Variants in ASPM observed in about 807,000 individuals in gnomAD.
The protein encoded by ASPM is abnormal spindle-like microcephaly-associated protein.
ASPM carries 256 observed loss-of-function variants against 366.4 expected under a neutral mutation model. That is an observed-to-expected ratio of 0.70 (90% CI 0.63 to 0.77). The LOEUF is 0.77. Among genes scored for constraint, ASPM ranks in the 30% least tolerant of loss-of-function variants. The pLI, the probability that ASPM is intolerant of heterozygous loss-of-function variation, is 0.00. For synonymous variants in ASPM, 1,414 were observed against 1,342.9 expected (o/e 1.05, Z -1.16); for missense variants, 4,146 against 4,090.4 (o/e 1.01, Z -0.37).
In ASPM at chr1:197,122,023, T is replaced by C. The variant is rs751531314; in HGVS notation, c.3762A>G (p.Ser1254=). Residue 1254 remains serine (S), a synonymous_variant, in exon 16 of 28, where the codon TCA becomes TCG. Transcript: ENST00000367409. ...PDEKVVITYL[S]FLCARLLDLR... ...GATCCAAAAGCCTTGCACAAAGAAA[T>C]GACAAATAGGTAATAACCACCTAAA... 6.2e-7 allele frequency: 1 copy of C among 1,612,412 alleles called. No homozygotes were observed. Among genetic ancestry groups the C allele is most frequent in the Non-Finnish European group, 8.5e-7 (1 of 1,178,898 alleles).
At chr1:197,128,420 C>CA in intron 10 of ASPM, 70 bp downstream of exon 10, 2 of 1,434,570 alleles carry the variant, frequency 1.4e-6, no homozygotes, top group Non-Finnish European at 1.9e-6. Flanking sequence ...TGAATAATTA[C>CA]AAAAAAAGTG....
Position 197,101,043 on chromosome 1 carries a change from TAAA to T in ASPM, c.8205_8207del (p.Phe2735del), listed in dbSNP as rs1346233085. The T allele has an allele frequency of 1.2e-6, 2 of 1,611,692 alleles. No homozygotes were observed. The highest frequency in any genetic ancestry group is 1.7e-6 in the Non-Finnish European group (2 of 1,178,870). On this transcript the variant is annotated inframe_deletion, in exon 18 of 28. Coordinates refer to ENST00000367409, the MANE Select transcript of ASPM (RefSeq NM_018136.5). ...TAGTTCGTACAGATTTCTGAACTGC[TAAA>T]AAGTTTTTTCTTTCTGTTTTTACTC...
Position 197,135,011 on chromosome 1 carries a change from T to C in ASPM, c.2173+85A>G, listed in dbSNP as rs1411991209. ...ATTATGCCATTAATTATAATAACTA[T>C]GTATAATTAAAGAATGACAAACGAT... is the stretch of plus-strand genomic sequence containing the variant. On this transcript the variant is annotated intron_variant, in intron 5 of 27. Transcript: ENST00000367409. The C allele has an allele frequency of 5.2e-6, 5 of 970,388 alleles. No individual in the cohort carries two copies. The East Asian group carries it at 1.2e-4, about 23-fold the overall frequency. 60.1% of individuals were successfully genotyped at this position (970,388 alleles called of 1,614,324 possible).
In ASPM at chr1:197,100,626, G is replaced by C. The variant is rs777899411; in HGVS notation, c.8625C>G (p.Thr2875=). The change falls in exon 18 of 28, where the codon ACC becomes ACG. Residue 2875 remains threonine (T), a synonymous_variant. Coordinates refer to ENST00000367409, the MANE Select transcript of ASPM (RefSeq NM_018136.5). ...TTCTATATAGTAAAAACTGTTTTCT[G>C]GTTTGCCACGTCCTAAAATAATGCT... ...TLQHYFRTWQ[T]RKQFLLYRKA... The C allele has an allele frequency of 6.2e-7, 1 of 1,611,956 alleles. No homozygotes were observed. Among genetic ancestry groups the C allele is most frequent in the Admixed American group, 1.7e-5 (1 of 59,702 alleles).
In ASPM at chr1:197,101,911, G is replaced by A; in HGVS notation, c.7340C>T (p.Ala2447Val). Residue 2447 changes from alanine (A) to valine (V), a missense_variant, in exon 18 of 28, where the codon GCC becomes GTC. By Grantham distance (64) the Ala-to-Val change is moderately conservative. Coordinates refer to ENST00000367409, the MANE Select transcript of ASPM (RefSeq NM_018136.5). ...VQRKYRATIC[A>V]KHKLYQFLHL... ...CAAGAATTGGTACAATTTATGTTTG[G>A]CACAAATGGTGGCTCGATATTTCCT... The A allele has an allele frequency of 6.2e-7, 1 of 1,612,752 alleles. No individual in the cohort carries two copies. Among genetic ancestry groups the A allele is most frequent in the Non-Finnish European group, 8.5e-7 (1 of 1,179,262 alleles).
At chr1:197,141,998 G>A (rs1479353222) in intron 3 of ASPM, among the ~76,000 whole-genome samples, 4 of 152,058 alleles carry the variant, frequency 2.6e-5, no homozygotes, top group Admixed American at 2.6e-4. Context: ...TGTGAGTGTC[G>A]ACCTTTCAGT....
chr1:197,102,248 G>A lies in ASPM; in HGVS notation c.7003C>T (p.His2335Tyr). ...WMIRKRMREMHRAATFIQSTF... is the reference protein window; with the variant it reads ...WMIRKRMREMYRAATFIQSTF... The stretch of plus-strand genomic sequence containing the variant: ...GACTGGATGAAAGTAGCAGCCCTGT[G>A]CATCTCTCGCATCCTTTTCCTTATC... The change falls in exon 18 of 28, where the codon CAC becomes TAC. Residue 2335 changes from histidine (H) to tyrosine (Y), a missense_variant. This residue lies in a region of ASPM where 3,624 missense variants were observed against 3,591.7 expected (regional missense o/e 1.01). Transcript: ENST00000367409. 2 of 1,612,764 alleles carry A rather than the reference G, an allele frequency of 1.2e-6. No individual in the cohort carries two copies. Among genetic ancestry groups the A allele is most frequent in the South Asian group, 1.1e-5 (1 of 91,060 alleles).
chr1:197,132,493 G>A, intron 6 of ASPM, 141 bp from the exon 7 acceptor site: 2 of 686,696 alleles, frequency 2.9e-6, no homozygotes, highest in Non-Finnish European at 5.0e-6. Context: ...TACACTTATA[G>A]TCTTAAATAT....
At position 197,143,039 on chromosome 1, in the gene ASPM, AC is replaced by A; in HGVS notation, c.1212del (p.Met404IlefsTer51). ...ACTTTACATGTTTGCTGAGATGTAC[AC>A]ATATATGCCATGTTATCTTTTAAAA... Reference protein sequence around the residue: ...NQFLKDNMAYMCTSQQTCKVP... With the variant: ...NQFLKDNMAYXCTSQQTCKVP... On this transcript the variant is annotated frameshift_variant, in exon 3 of 28. Coordinates refer to ENST00000367409, the MANE Select transcript of ASPM (RefSeq NM_018136.5). LOFTEE classifies it high-confidence loss of function. The A allele has an allele frequency of 6.2e-7, 1 of 1,613,168 alleles. No homozygotes were observed. The highest frequency in any genetic ancestry group is 8.5e-7 in the Non-Finnish European group (1 of 1,179,190).
intron 6 of ASPM, among the ~76,000 whole-genome samples, chr1:197,132,566 T>C (rs1007485520): frequency 6.6e-6 from 1 of 152,092 alleles, no homozygotes; most frequent in Non-Finnish European, 1.5e-5. Flanking sequence ...ATACCTAGTT[T>C]TGAAATACAA....
rs1656959773 is a variant in ASPM at position 197,095,925 on chromosome 1, T to A, written c.8987+73A>T. On this transcript the variant is annotated intron_variant, in intron 19 of 27. Coordinates refer to ENST00000367409, the MANE Select transcript of ASPM (RefSeq NM_018136.5). Reference sequence around the variant, plus strand: ...ATTTAAAATAAAAATCAATAAGCAGTGTTATTTTATGTAAAGACTTAGCTA... The same window carrying A: ...ATTTAAAATAAAAATCAATAAGCAGAGTTATTTTATGTAAAGACTTAGCTA... The A allele has an allele frequency of 2.4e-6, 3 of 1,265,902 alleles. No homozygotes were observed. The Admixed American group carries it at 6.4e-5, about 27-fold the overall frequency. The allele number at this position is 1,265,902 out of a possible 1,614,324, so 78.4% of individuals were successfully genotyped here.
intron 9 of ASPM, 111 bp from the exon 10 acceptor site, chr1:197,128,776 G>T: frequency 1.1e-6 from 1 of 886,118 alleles, no homozygotes; most frequent in Non-Finnish European, 1.7e-6. Flanking sequence ...AATATAAAAA[G>T]TTTCATATTA....
At chr1:197,124,696 T>C (rs946436663) in intron 12 of ASPM, among the ~76,000 whole-genome samples, 174 bp downstream of exon 12, 2 of 151,392 alleles carry the variant, frequency 1.3e-5, no homozygotes, top group African/African-American at 2.4e-5. Flanking sequence ...GAAATATATA[T>C]ATATATACAC....
Position 197,129,225 on chromosome 1 carries a change from G to T in ASPM, c.2722C>A (p.His908Asn), listed in dbSNP as rs1169145398. 5 of 1,612,540 alleles carry T rather than the reference G, an allele frequency of 3.1e-6. No homozygotes were observed. Among genetic ancestry groups the T allele is most frequent in the Non-Finnish European group, 4.2e-6 (5 of 1,178,786 alleles). Reference protein sequence around the residue: ...DYAKISRLIDHDPCLFCKDAE... With the variant: ...DYAKISRLIDNDPCLFCKDAE... Reference sequence around the variant, plus strand: ...TCTTTACAGAAGAGACAAGGATCATGATCAATGAGTCTGGAAATTTTAGCA... The same window carrying T: ...TCTTTACAGAAGAGACAAGGATCATTATCAATGAGTCTGGAAATTTTAGCA... Residue 908 changes from histidine to asparagine, a missense_variant, in exon 9 of 28, where the codon CAT becomes AAT. By Grantham distance (68) the His-to-Asn change is moderately conservative. Coordinates refer to ENST00000367409, the MANE Select transcript of ASPM (RefSeq NM_018136.5).
At chr1:197,089,863 C>A in intron 25 of ASPM, 67 bp downstream of exon 25, 1 of 1,521,634 alleles carries the variant, frequency 6.6e-7, no homozygotes, top group Non-Finnish European at 9.1e-7. Context: ...ATGAGTAAAC[C>A]CAAACTTAAT....
intron 18 of ASPM, among the ~76,000 whole-genome samples, chr1:197,099,262 TCTC>T (rs956754821): frequency 2.6e-5 from 4 of 151,386 alleles, no homozygotes; most frequent in African/African-American, 7.3e-5. Flanking sequence ...ACTGTGGTCT[TCTC>T]CTGCTTAAAC....
At chr1:197,094,573 G>C (rs1275431924) in intron 19 of ASPM, among the ~76,000 whole-genome samples, 1 of 151,662 alleles carries the variant, frequency 6.6e-6, no homozygotes, top group Admixed American at 6.6e-5. Context: ...GCAGACGGGA[G>C]GTGGTTAAGA....
At chr1:197,133,205 T>C (rs534687668) in intron 6 of ASPM, 145 bp downstream of exon 6, 1 of 760,520 alleles carries the variant, frequency 1.3e-6, no homozygotes, top group Non-Finnish European at 2.0e-6. Context: ...TAATAATATA[T>C]ACATATATCA....
chr1:197,122,430 C>G lies in ASPM; in HGVS notation c.3556G>C (p.Asp1186His). Residue 1186 changes from aspartate to histidine, a missense_variant, in exon 14 of 28, where the codon GAT becomes CAT. Transcript: ENST00000367409. Reference sequence around the variant, plus strand: ...AGAGACATATCCAGAGAACTGTCATCAGATTCAGATGATGAATTTAATACC... The same window carrying G: ...AGAGACATATCCAGAGAACTGTCATGAGATTCAGATGATGAATTTAATACC... Reference protein sequence around the residue: ...SVVLNSSSESDDSSLDMSLKA... With the variant: ...SVVLNSSSESHDSSLDMSLKA... 6.2e-7 allele frequency: 1 copy of G among 1,613,882 alleles called. No homozygotes were observed. The highest frequency in any genetic ancestry group is 8.5e-7 in the Non-Finnish European group (1 of 1,179,818).
Sources: allele counts gnomAD v4.1 joint callset (sites outside exome capture counted in the v4.1 genomes callset), GRCh38; gene constraint gnomAD v4.1.1; regional missense constraint gnomAD v4.1.1; transcripts MANE v1.5; gene names NCBI Gene and HGNC (gene_info 2026-07-23, HGNC 2026-07-21).